PARD6B: variants seen among roughly 807,000 people sequenced by gnomAD.
The protein encoded by PARD6B is partitioning defective 6 homolog beta.
In PARD6B, 4 loss-of-function variants were observed where a neutral mutation model predicts 10.5. That is an observed-to-expected ratio of 0.38 (90% CI 0.19 to 0.87). PARD6B has a LOEUF of 0.87. Among genes scored for constraint, PARD6B ranks in the 40% least tolerant of loss-of-function variants. The probability of loss-of-function intolerance (pLI) is 0.41; values close to 1 mark genes in which losing one functional copy is unlikely to be tolerated. For synonymous variants in PARD6B, 169 were observed against 170.4 expected, an observed-to-expected ratio of 0.99 and a Z score of 0.07; for missense variants, 396 against 470.6, an observed-to-expected ratio of 0.84 and a Z score of 1.47.
chr20:50,749,738 C>G lies in PARD6B; in HGVS notation c.369C>G (p.Asp123Glu). The G allele has an allele frequency of 6.2e-7, 1 of 1,614,084 alleles. No individual in the cohort carries two copies. Among genetic ancestry groups the G allele is most frequent in the Non-Finnish European group, 8.5e-7 (1 of 1,179,994 alleles). Residue 123 changes from aspartate (D) to glutamate (E), a missense_variant, in exon 3 of 3, where the codon GAC becomes GAG. Transcript: ENST00000371610. ...TTTTAACCAACGTATTGCGTCCTGA[C>G]AACCATAGAAAAAAGCCACATATAG... ...KNVLTNVLRP[D>E]NHRKKPHIVI...
At chr20:50,746,639 A>G (rs964289603) in intron 2 of PARD6B, among the ~76,000 whole-genome samples, 2 of 152,242 alleles carry the variant, frequency 1.3e-5, no homozygotes, top group Admixed American at 1.3e-4. Flanking sequence ...CTGATTAGCT[A>G]GATGGGAGAA....
intron 2 of PARD6B, among the ~76,000 whole-genome samples, chr20:50,749,438 G>T (rs1256426265): frequency 2.0e-5 from 3 of 152,006 alleles, no homozygotes; most frequent in Non-Finnish European, 2.9e-5. Context: ...CTTCAACATT[G>T]GTTTATTTTG....
In PARD6B at chr20:50,750,348, T is replaced by G. The variant is rs762357196; in HGVS notation, c.979T>G (p.Phe327Val). 6.2e-7 allele frequency: 1 copy of G among 1,614,222 alleles called. No individual in the cohort carries two copies. Among genetic ancestry groups the G allele is most frequent in the Non-Finnish European group, 8.5e-7 (1 of 1,180,032 alleles). The change falls in exon 3 of 3, where the codon TTT becomes GTT. Residue 327 changes from phenylalanine (F) to valine (V), a missense_variant. By Grantham distance (50) the Phe-to-Val change is conservative. Transcript: ENST00000371610. ...LESLTQIELS[F>V]ESGQNGFIPS... ...GTCATTAACACAGATAGAGCTAAGC[T>G]TTGAGTCTGGACAGAATGGCTTTAT...
In PARD6B at chr20:50,750,997, TCTCA is replaced by T. The variant is rs1380077365; in HGVS notation, c.*513_*516del. On this transcript the variant is annotated 3_prime_UTR_variant, in exon 3 of 3. Coordinates refer to ENST00000371610, the MANE Select transcript of PARD6B (RefSeq NM_032521.3). ...TTTTTTTTTTTTTTTAGTGACTGGG[TCTCA>T]CTCTGTTGCCCACACTGGAATGCAG... 4.6e-6 allele frequency: 3 copies of T among 656,250 alleles called. No homozygotes were observed. In the East Asian group the frequency reaches 4.7e-4, roughly 103 times the overall value. The allele number at this position is 656,250 out of a possible 1,614,324, so 40.7% of individuals were successfully genotyped here.
intron 2 of PARD6B, among the ~76,000 whole-genome samples, chr20:50,744,933 C>T (rs186779205): frequency 6.6e-6 from 1 of 152,162 alleles, no homozygotes; most frequent in Admixed American, 6.5e-5. Context: ...TGTTAGTTGC[C>T]ATCTCCTCTT....
At chr20:50,744,038 ATT>A (rs2087547117) in intron 2 of PARD6B, among the ~76,000 whole-genome samples, 3 of 147,452 alleles carry the variant, frequency 2.0e-5, no homozygotes, top group African/African-American at 7.5e-5. Flanking sequence ...TATTTTTCAG[ATT>A]TGTCTCCCCA....
At chr20:50,737,758 A>G in intron 1 of PARD6B, 99 bp from the exon 2 acceptor site, 1 of 771,614 alleles carries the variant, frequency 1.3e-6, no homozygotes, top group Admixed American at 3.5e-5. Flanking sequence ...AATTAAAAAT[A>G]CTTGCTCTGC....
At chr20:50,737,751 T>A (rs6126085) in intron 1 of PARD6B, 106 bp from the exon 2 acceptor site, 58,234 of 748,564 alleles carry the variant, frequency 0.078, 2,475 homozygotes, top group Admixed American at 0.11. Flanking sequence ...TTTCCTTAAT[T>A]AAAAATACTT....
At position 50,752,397 on chromosome 20, in the gene PARD6B, A is replaced by G. The variant is rs574093095; in HGVS notation, c.*1909A>G. 109 of 985,802 alleles carry G rather than the reference A, an allele frequency of 1.1e-4. No individual in the cohort carries two copies. The highest frequency in any genetic ancestry group is 1.3e-4 in the Non-Finnish European group (104 of 829,908). 61.1% of individuals were successfully genotyped at this position (985,802 alleles called of 1,614,324 possible). ...GAAACACTGCCTACACTTTATGAAA[A>G]CTACATAGTATTCACCTGTGACAGG... On this transcript the variant is annotated 3_prime_UTR_variant, in exon 3 of 3. Coordinates refer to ENST00000371610, the MANE Select transcript of PARD6B (RefSeq NM_032521.3).
At chr20:50,731,936 G>T (rs975845657) in intron 1 of PARD6B, 84 bp downstream of exon 1, 4 of 1,188,224 alleles carry the variant, frequency 3.4e-6, no homozygotes, top group Non-Finnish European at 4.3e-6. Flanking sequence ...GAGCGCCGGG[G>T]GAGGCGACGG....
At chr20:50,741,541 C>CT (rs2087530419) in intron 2 of PARD6B, among the ~76,000 whole-genome samples, 1 of 151,998 alleles carries the variant, frequency 6.6e-6, no homozygotes, top group African/African-American at 2.4e-5. Flanking sequence ...ACTTAGTGTA[C>CT]TATAATGCAT....
intron 1 of PARD6B, among the ~76,000 whole-genome samples, chr20:50,737,529 C>T (rs575987918): frequency 3.9e-5 from 6 of 152,220 alleles, no homozygotes; most frequent in South Asian, 2.1e-4. Context: ...AGAGCATTGC[C>T]GTCAGAGTCT....
At position 50,752,766 on chromosome 20, in the gene PARD6B, C is replaced by T. The variant is rs1046701876; in HGVS notation, c.*2278C>T. The T allele has an allele frequency of 4.1e-6, 4 of 980,392 alleles. No homozygotes were observed. Among genetic ancestry groups the T allele is most frequent in the Admixed American group, 6.2e-5 (1 of 16,246 alleles). The allele number at this position is 980,392 out of a possible 1,614,324, so 60.7% of individuals were successfully genotyped here. On this transcript the variant is annotated 3_prime_UTR_variant, in exon 3 of 3. Transcript: ENST00000371610. Reference sequence around the variant, plus strand: ...AATATATATGAAGAAGTCTTGATTACGTGAAGATCACTTGACTCAGAATAC... The same window carrying T: ...AATATATATGAAGAAGTCTTGATTATGTGAAGATCACTTGACTCAGAATAC...
rs183186349 is a variant in PARD6B at position 50,753,300 on chromosome 20, T to C, written c.*2812T>C. 1.6e-4 allele frequency: 159 copies of C among 984,132 alleles called. No homozygotes were observed. The Admixed American group carries it at 6.4e-3, about 40-fold the overall frequency. The allele number at this position is 984,132 out of a possible 1,614,324, so 61.0% of individuals were successfully genotyped here. A position where few individuals can be genotyped will look rare whatever the true frequency, so the allele number is the denominator to read the frequency against. ...GTTTCTTAAATTATTGGTGAAATAA[T>C]TGATTACTAGATATATTGTAAAACC... On this transcript the variant is annotated 3_prime_UTR_variant, in exon 3 of 3. Transcript: ENST00000371610.
Position 50,753,634 on chromosome 20 carries a change from T to G in PARD6B, c.*3146T>G. The G allele has an allele frequency of 1.3e-6, 1 of 799,538 alleles. No homozygotes were observed. The highest frequency in any genetic ancestry group is 5.8e-5 in the South Asian group (1 of 17,352). The allele number at this position is 799,538 out of a possible 1,614,324, so 49.5% of individuals were successfully genotyped here. A position where few individuals can be genotyped will look rare whatever the true frequency, so the allele number is the denominator to read the frequency against. ...CAAATGTCAGTATTTTACTACAATT[T>G]TATTATAAAGTGTACATTATCACTA... On this transcript the variant is annotated 3_prime_UTR_variant, in exon 3 of 3. Coordinates refer to ENST00000371610, the MANE Select transcript of PARD6B (RefSeq NM_032521.3).
chr20:50,734,639 C>T lies in PARD6B; in HGVS notation c.66+2787C>T, dbSNP rs939210102. Among the ~76,000 whole-genome samples, 10 of 152,226 alleles carry T rather than the reference C, an allele frequency of 6.6e-5. No homozygotes were observed. In the East Asian group the frequency reaches 1.2e-3, roughly 18 times the overall value. On this transcript the variant is annotated intron_variant, in intron 1 of 2. Transcript: ENST00000371610. ...CCTCTCAAAGTACTGGGACTACAGG[C>T]GTGAGCCACTGCACCTAGCTGGTCC...
intron 1 of PARD6B, among the ~76,000 whole-genome samples, chr20:50,733,467 C>A (rs2087483403): frequency 6.6e-6 from 1 of 152,150 alleles, no homozygotes; most frequent in Non-Finnish European, 1.5e-5. Flanking sequence ...TTGGCACTTA[C>A]ATGAGGATTG....
At chr20:50,745,793 C>T (rs1478071276) in intron 2 of PARD6B, among the ~76,000 whole-genome samples, 1 of 152,172 alleles carries the variant, frequency 6.6e-6, no homozygotes, top group East Asian at 1.9e-4. Flanking sequence ...AGGCATGAGC[C>T]ATCATGCCTG....
chr20:50,738,118 A>C (rs751688707), intron 2 of PARD6B, 39 bp downstream of exon 2: 1 of 1,463,242 alleles, frequency 6.8e-7, no homozygotes, highest in South Asian at 1.3e-5. Flanking sequence ...TTAGAAATAG[A>C]AATAGTGTAT....
Sources: gnomAD v4.1 joint callset for allele counts (sites outside exome capture counted in the v4.1 genomes callset) on GRCh38, gnomAD v4.1.1 for gene constraint, MANE v1.5 for transcripts, NCBI Gene and HGNC (gene_info 2026-07-23, HGNC 2026-07-21) for gene names.